ARL15: variants seen among roughly 807,000 people sequenced by gnomAD.
ARL15 encodes ARF like GTPase 15.
In ARL15, 19 loss-of-function variants were observed where a neutral mutation model predicts 25.2. That is an observed-to-expected ratio of 0.75 (90% CI 0.53 to 1.10). ARL15 has a LOEUF of 1.10. Among genes scored for constraint, ARL15 ranks in the 50% least tolerant of loss-of-function variants. The probability of loss-of-function intolerance (pLI) is 0.00; values close to 1 mark genes in which losing one functional copy is unlikely to be tolerated. For missense variants in ARL15, 220 were observed against 246.0 expected (o/e 0.89, Z 0.71); for synonymous variants, 94 against 86.8 (o/e 1.08, Z -0.46).
chr5:54,029,615 T>C (rs1749907578), intron 4 of ARL15, among the ~76,000 whole-genome samples: 1 of 152,102 alleles, frequency 6.6e-6, no homozygotes, highest in African/African-American at 2.4e-5. Flanking sequence ...TCTTAGAAGT[T>C]TGGGAGGCCA....
In ARL15 at chr5:54,268,306, T is replaced by A. The variant is rs931378300; in HGVS notation, c.48+42126A>T. The stretch of plus-strand genomic sequence containing the variant: ...CTTCACGTAGTTCTCGAGCCTTGGC[T>A]TTCAGCTCCATCAGCTCCTTTAAGC... On this transcript the variant is annotated intron_variant, in intron 1 of 4. Transcript: ENST00000504924. 6.6e-4 allele frequency among the ~76,000 whole-genome samples: 101 copies of A among 152,202 alleles called. 1 individual carries two copies. The highest frequency in any genetic ancestry group is 1.8e-4 in the Non-Finnish European group (12 of 68,030).
intron 4 of ARL15, among the ~76,000 whole-genome samples, chr5:54,103,313 A>G (rs1490824439): frequency 2.6e-5 from 4 of 152,148 alleles, no homozygotes; most frequent in African/African-American, 9.7e-5. Context: ...GCTATGTGCT[A>G]CCTTCAAAAT....
chr5:54,070,809 C>A (rs557338792), intron 4 of ARL15, among the ~76,000 whole-genome samples: 3 of 151,968 alleles, frequency 2.0e-5, no homozygotes, highest in African/African-American at 7.2e-5. Context: ...CACAGAGCCA[C>A]TGCAATCTAG....
intron 3 of ARL15, among the ~76,000 whole-genome samples, chr5:54,137,876 A>T (rs1426716078): frequency 7.1e-6 from 1 of 141,360 alleles, no homozygotes; most frequent in Non-Finnish European, 1.6e-5. Context: ...TAAGAGAGAA[A>T]GCTTTTTTTT....
chr5:54,074,212 T>G (rs75575055), intron 4 of ARL15, among the ~76,000 whole-genome samples: 6,476 of 152,204 alleles, frequency 0.043, 219 homozygotes, highest in Admixed American at 0.058. Context: ...AGATTGGTAT[T>G]CAAACACCAG....
At chr5:54,127,998 C>T (rs1753315442) in intron 3 of ARL15, among the ~76,000 whole-genome samples, 1 of 152,206 alleles carries the variant, frequency 6.6e-6, no homozygotes, top group African/African-American at 2.4e-5. Flanking sequence ...CCCTTCCTTA[C>T]ACCTTATACA....
At chr5:53,920,900 CT>C (rs1333890609) in intron 4 of ARL15, among the ~76,000 whole-genome samples, 1 of 152,132 alleles carries the variant, frequency 6.6e-6, no homozygotes, top group Non-Finnish European at 1.5e-5. Flanking sequence ...TCAAACTAAA[CT>C]TTTGTGATGT....
chr5:54,103,424 T>C (rs1272288728), intron 4 of ARL15, among the ~76,000 whole-genome samples: 1 of 152,146 alleles, frequency 6.6e-6, no homozygotes. Flanking sequence ...CCTTTTTTCA[T>C]GGTATCAATC....
At chr5:54,175,465 G>A (rs1266297862) in intron 1 of ARL15, among the ~76,000 whole-genome samples, 1 of 151,848 alleles carries the variant, frequency 6.6e-6, no homozygotes, top group Non-Finnish European at 1.5e-5. Flanking sequence ...TTCCTGAGTA[G>A]CTGGGATTAC....
chr5:54,282,356 T>C, intron 1 of ARL15: 1 of 985,420 alleles, frequency 1.0e-6, no homozygotes, highest in Non-Finnish European at 1.2e-6. Context: ...AATAAGAGAA[T>C]AAGAAATGTT....
At chr5:53,895,508 C>T (rs1204301007) in intron 4 of ARL15, among the ~76,000 whole-genome samples, 2 of 152,162 alleles carry the variant, frequency 1.3e-5, no homozygotes, top group African/African-American at 4.8e-5. Context: ...GGCAAGTGGT[C>T]AGTGACCTGT....
chr5:54,148,442 T>C (rs1753973053), intron 3 of ARL15, among the ~76,000 whole-genome samples: 1 of 152,188 alleles, frequency 6.6e-6, no homozygotes, highest in South Asian at 2.1e-4. Flanking sequence ...TCAATCACTA[T>C]TGCATGGGCC....
intron 4 of ARL15, among the ~76,000 whole-genome samples, chr5:53,978,613 C>A: frequency 1.0e-5 from 1 of 96,716 alleles, no homozygotes. Context: ...CAGGGAGACC[C>A]TGTCTCTACA....
In ARL15 at chr5:53,884,814, TG is replaced by T. The variant is rs1420195195; in HGVS notation, c.*1746del. The stretch of plus-strand genomic sequence containing the variant: ...ATAATCATTTATTTTTCATAGAAGA[TG>T]AGCACAACAGGACAAAATAAAAACA... On this transcript the variant is annotated 3_prime_UTR_variant, in exon 5 of 5. Coordinates refer to ENST00000504924, the MANE Select transcript of ARL15 (RefSeq NM_019087.3). The T allele has an allele frequency of 6.6e-6, 1 of 152,568 alleles. No homozygotes were observed. Among genetic ancestry groups the T allele is most frequent in the Non-Finnish European group, 1.5e-5 (1 of 68,026 alleles). The allele number at this position is 152,568 out of a possible 1,614,324, so 9.5% of individuals were successfully genotyped here.
At chr5:54,046,962 G>C (rs1328753619) in intron 4 of ARL15, among the ~76,000 whole-genome samples, 1 of 152,094 alleles carries the variant, frequency 6.6e-6, no homozygotes. Context: ...CAACATGCTC[G>C]GTCTTTATCA....
intron 4 of ARL15, among the ~76,000 whole-genome samples, chr5:54,015,896 T>A (rs1749412532): frequency 6.6e-6 from 1 of 152,188 alleles, no homozygotes; most frequent in Admixed American, 6.5e-5. Context: ...AGTAACTGTA[T>A]CAGGAAGAAG....
chr5:54,185,125 A>G (rs1425944336), intron 1 of ARL15, among the ~76,000 whole-genome samples: 17 of 152,072 alleles, frequency 1.1e-4, no homozygotes, highest in Admixed American at 1.1e-3. Context: ...TGACACACAA[A>G]ACTTAATTGA....
At chr5:54,231,224 A>G (rs1756662451) in intron 1 of ARL15, among the ~76,000 whole-genome samples, 1 of 152,100 alleles carries the variant, frequency 6.6e-6, no homozygotes, top group Non-Finnish European at 1.5e-5. Context: ...AGGATCACCC[A>G]CCTAGAAACC....
intron 1 of ARL15, among the ~76,000 whole-genome samples, chr5:54,172,693 A>G (rs1399749660): frequency 1.3e-5 from 2 of 152,202 alleles, no homozygotes; most frequent in East Asian, 1.9e-4. Flanking sequence ...AGAGTGACAA[A>G]GCCAACATGG....
Sources: gnomAD v4.1 joint callset for allele counts (sites outside exome capture counted in the v4.1 genomes callset) on GRCh38, gnomAD v4.1.1 for gene constraint, MANE v1.5 for transcripts, NCBI Gene and HGNC (gene_info 2026-07-23, HGNC 2026-07-21) for gene names.